Variants in CEMIP observed in about 807,000 individuals in gnomAD.
CEMIP encodes cell migration inducing hyaluronidase 1, also known as cell migration-inducing and hyaluronan-binding protein.
In CEMIP, 105 loss-of-function variants were observed where a neutral mutation model predicts 156.9. The ratio of observed to expected loss-of-function variants is 0.67; its 90% CI spans 0.57 to 0.79. The LOEUF is 0.79. Among genes scored for constraint, CEMIP ranks in the 30% least tolerant of loss-of-function variants. The probability of loss-of-function intolerance (pLI) is 0.00; values close to 1 mark genes in which losing one functional copy is unlikely to be tolerated. For synonymous variants in CEMIP, 676 were observed against 668.4 expected (o/e 1.01, Z -0.17); for missense variants, 1,457 against 1,769.4 (o/e 0.82, Z 3.17).
chr15:80,839,719 TG>T (rs1355999090), intron 1 of CEMIP, among the ~76,000 whole-genome samples: 11 of 152,194 alleles, frequency 7.2e-5, no homozygotes, highest in Non-Finnish European at 1.2e-4. Context: ...CCTTGGACTG[TG>T]GGCTGTGGGC....
At chr15:80,930,365 C>T (rs1215774684) in intron 21 of CEMIP, among the ~76,000 whole-genome samples, 1 of 152,162 alleles carries the variant, frequency 6.6e-6, no homozygotes, top group Non-Finnish European at 1.5e-5. Context: ...CTCCCGGGGC[C>T]AGAATGCTCT....
chr15:80,804,246 A>T (rs1489779303), intron 1 of CEMIP, among the ~76,000 whole-genome samples: 2 of 152,160 alleles, frequency 1.3e-5, no homozygotes, highest in Non-Finnish European at 2.9e-5. Flanking sequence ...AGACCCCAAG[A>T]TCTCTTTTCA....
chr15:80,872,546 T>G (rs1898331519), intron 1 of CEMIP, among the ~76,000 whole-genome samples: 1 of 152,220 alleles, frequency 6.6e-6, no homozygotes, highest in South Asian at 2.1e-4. Flanking sequence ...AGAAGTTTAA[T>G]TCAGGCGGGC....
chr15:80,923,905 G>T lies in CEMIP; in HGVS notation c.2203-716G>T, dbSNP rs75241375. 4.2e-3 allele frequency among the ~76,000 whole-genome samples: 634 copies of T among 152,272 alleles called. 5 individuals carry two copies. Among genetic ancestry groups the T allele is most frequent in the African/African-American group, 0.015 (608 of 41,538 alleles). ...GCTGCGAGTCAACCCCACATCATCG[G>T]ACTCACATCACCGCTGCTGAATTAT... On this transcript the variant is annotated intron_variant, in intron 17 of 29. Coordinates refer to ENST00000394685, the MANE Select transcript of CEMIP (RefSeq NM_001293298.2).
chr15:80,937,020 A>C (rs1168899589), intron 24 of CEMIP, 135 bp downstream of exon 24: 1 of 841,452 alleles, frequency 1.2e-6, no homozygotes, highest in Non-Finnish European at 2.0e-6. Context: ...AGGGGTTGAC[A>C]TCACCCAGGA....
intron 29 of CEMIP, chr15:80,948,516 T>A: frequency 2.1e-6 from 1 of 478,246 alleles, no homozygotes. Flanking sequence ...CCCTTACAGT[T>A]TGCCCCATTT....
At chr15:80,795,718 G>A (rs1377455639) in intron 1 of CEMIP, among the ~76,000 whole-genome samples, 1 of 152,122 alleles carries the variant, frequency 6.6e-6, no homozygotes, top group Non-Finnish European at 1.5e-5. Flanking sequence ...AGGATTTCTT[G>A]AGCCCAGGAG....
intron 1 of CEMIP, among the ~76,000 whole-genome samples, chr15:80,784,433 G>A (rs1567046267): frequency 5.3e-5 from 8 of 152,188 alleles, no homozygotes. Context: ...GAGGTGAGGA[G>A]TTCATGCTGT....
At chr15:80,876,344 C>T (rs956213624) in intron 3 of CEMIP, among the ~76,000 whole-genome samples, 2 of 152,186 alleles carry the variant, frequency 1.3e-5, no homozygotes, top group Non-Finnish European at 2.9e-5. Flanking sequence ...TGCTCAGTAT[C>T]ACCGCAGAGA....
At chr15:80,872,950 G>A (rs1428510369) in intron 1 of CEMIP, among the ~76,000 whole-genome samples, 3 of 152,212 alleles carry the variant, frequency 2.0e-5, no homozygotes, top group African/African-American at 7.2e-5. Context: ...CATCCTCAGT[G>A]CATGCATGGC....
At chr15:80,812,913 C>T (rs550874291) in intron 1 of CEMIP, among the ~76,000 whole-genome samples, 4 of 152,244 alleles carry the variant, frequency 2.6e-5, no homozygotes, top group South Asian at 2.1e-4. Context: ...GGGTCAGAGG[C>T]CTATGATGGC....
intron 1 of CEMIP, among the ~76,000 whole-genome samples, chr15:80,871,474 A>G (rs1436181285): frequency 6.6e-6 from 1 of 152,344 alleles, no homozygotes; most frequent in Non-Finnish European, 1.5e-5. Flanking sequence ...CAGAGCTTCA[A>G]TGTCCATGTC....
chr15:80,795,065 T>C (rs1259771526), intron 1 of CEMIP, among the ~76,000 whole-genome samples: 1 of 151,652 alleles, frequency 6.6e-6, no homozygotes. Flanking sequence ...GAAGCCCAGA[T>C]TGGCTGGGGC....
At chr15:80,881,819 A>C (rs1898670084) in intron 6 of CEMIP, among the ~76,000 whole-genome samples, 1 of 152,242 alleles carries the variant, frequency 6.6e-6, no homozygotes, top group South Asian at 2.1e-4. Flanking sequence ...AAGATGGTGC[A>C]GGGGGTTAGG....
At chr15:80,908,267 G>C (rs1428194530) in intron 13 of CEMIP, among the ~76,000 whole-genome samples, 1 of 152,062 alleles carries the variant, frequency 6.6e-6, no homozygotes, top group African/African-American at 2.4e-5. Context: ...ATGATCAGGG[G>C]ACTCTTTCCC....
intron 1 of CEMIP, among the ~76,000 whole-genome samples, chr15:80,868,690 C>T (rs2141792104): frequency 6.6e-6 from 1 of 152,274 alleles, no homozygotes; most frequent in African/African-American, 2.4e-5. Context: ...TCCTGTGTGT[C>T]CTTGGGCAAG....
At chr15:80,868,561 T>A (rs1366239470) in intron 1 of CEMIP, among the ~76,000 whole-genome samples, 1 of 152,176 alleles carries the variant, frequency 6.6e-6, no homozygotes, top group Admixed American at 6.5e-5. Flanking sequence ...GGCTGTATAA[T>A]CTCTCATATT....
chr15:80,890,511 C>T (rs559873561), intron 10 of CEMIP, among the ~76,000 whole-genome samples: 1 of 150,788 alleles, frequency 6.6e-6, no homozygotes, highest in South Asian at 2.1e-4. Flanking sequence ...ATTGCGTAAA[C>T]AGGAGGTGGA....
At chr15:80,835,145 G>A (rs1897244244) in intron 1 of CEMIP, among the ~76,000 whole-genome samples, 1 of 152,120 alleles carries the variant, frequency 6.6e-6, no homozygotes, top group Non-Finnish European at 1.5e-5. Flanking sequence ...AAATTTCTTA[G>A]CTTGGCATTC....
Sources: allele counts gnomAD v4.1 joint callset (sites outside exome capture counted in the v4.1 genomes callset), GRCh38; gene constraint gnomAD v4.1.1; transcripts MANE v1.5; gene names NCBI Gene and HGNC (gene_info 2026-07-23, HGNC 2026-07-21).